The following HDAC5 variants were observed in gnomAD, a reference collection of about 807,000 sequenced individuals.
HDAC5 encodes histone deacetylase 5.
A neutral mutation model predicts 133.3 loss-of-function variants in HDAC5; 25 were observed. The ratio of observed to expected loss-of-function variants is 0.19; its 90% CI spans 0.14 to 0.26. The LOEUF (loss-of-function observed/expected upper bound fraction) is 0.26. Ranked by LOEUF, HDAC5 falls within the 10% of genes least tolerant of loss-of-function variation. The probability of loss-of-function intolerance (pLI) is 1.00; values close to 1 mark genes in which losing one functional copy is unlikely to be tolerated. For synonymous variants in HDAC5, 589 were observed against 610.8 expected, an observed-to-expected ratio of 0.96 and a Z score of 0.53; for missense variants, 1,041 against 1,460.5, an observed-to-expected ratio of 0.71 and a Z score of 4.68.
intron 3 of HDAC5, among the ~76,000 whole-genome samples, chr17:44,097,736 G>T (rs906435364): frequency 3.3e-5 from 5 of 152,270 alleles, no homozygotes; most frequent in Non-Finnish European, 5.9e-5. Context: ...CAGCCTGCCT[G>T]CCCAGGGAAG....
chr17:44,087,848 C>CT (rs375199820), intron 12 of HDAC5, 152 bp from the exon 13 acceptor site: 36,065 of 652,956 alleles, frequency 0.055, no homozygotes, highest in East Asian at 0.067. Context: ...TCTGAGAGGA[C>CT]TTTTTTTTTT....
At chr17:44,099,260 G>A (rs1274662208) in intron 3 of HDAC5, among the ~76,000 whole-genome samples, 1 of 152,160 alleles carries the variant, frequency 6.6e-6, no homozygotes, top group Admixed American at 6.5e-5. Context: ...GAGGTCAGAG[G>A]CAAGGCTCTG....
chr17:44,087,724 G>C (rs769956409), intron 12 of HDAC5, 28 bp from the exon 13 acceptor site: 46 of 1,538,394 alleles, frequency 3.0e-5, no homozygotes, highest in Non-Finnish European at 2.5e-5. Context: ...GGGCACATCA[G>C]CTGGGAGTTG....
chr17:44,087,448 C>A lies in HDAC5; in HGVS notation c.1848G>T (p.Gly616=). The A allele has an allele frequency of 1.5e-6, 2 of 1,343,536 alleles. No individual in the cohort carries two copies. The highest frequency in any genetic ancestry group is 2.3e-5 in the East Asian group (1 of 43,548). 83.2% of individuals were successfully genotyped at this position (1,343,536 alleles called of 1,614,324 possible). The change falls in exon 13 of 27, where the codon GGG becomes GGT. Residue 616 remains glycine, a synonymous_variant. Transcript: ENST00000682912. The stretch of plus-strand genomic sequence containing the variant: ...CAGCACCAGGCTCCTCCAAGTCGGG[C>A]CCCTCCTCAGCACCACTCTCGCCCT... ...DEEGESGAEE[G]PDLEEPGAGY...
rs1216506951 is a variant in HDAC5, at chr17:44,087,642, T to C, written c.1654A>G (p.Thr552Ala). Residue 552 changes from threonine to alanine, a missense_variant, in exon 13 of 27, where the codon ACA becomes GCA. Around this residue, in one of 9 missense-constraint regions of HDAC5, gnomAD observed 433 missense variants for 531.6 expected, o/e 0.81. Transcript: ENST00000682912. The stretch of plus-strand genomic sequence containing the variant: ...TGCTGCTCCGTCAGCTCCTCCTCTG[T>C]CTCCTCAGGGTGGGTGGTGGGCTGC... ...PRQPTTHPEE[T>A]EEELTEQQEV... is the part of the protein sequence containing the mutation. 1 of 1,612,838 alleles carries C rather than the reference T, an allele frequency of 6.2e-7. No homozygotes were observed. Among genetic ancestry groups the C allele is most frequent in the African/African-American group, 1.3e-5 (1 of 74,916 alleles).
chr17:44,081,255 T>A (rs2050375186), intron 20 of HDAC5, among the ~76,000 whole-genome samples: 1 of 126,094 alleles, frequency 7.9e-6, no homozygotes, highest in Non-Finnish European at 1.7e-5. Flanking sequence ...AGATTCTTTC[T>A]TTTTTTTTTT....
intron 2 of HDAC5, among the ~76,000 whole-genome samples, chr17:44,114,622 C>T (rs933115205): frequency 6.6e-6 from 1 of 152,188 alleles, no homozygotes; most frequent in Non-Finnish European, 1.5e-5. Context: ...CAGTGGGCCT[C>T]ACTCTTGCCT....
chr17:44,110,905 G>GGGA, intron 2 of HDAC5, 105 bp from the exon 3 acceptor site: 1 of 959,016 alleles, frequency 1.0e-6, no homozygotes, highest in Non-Finnish European at 1.6e-6. Flanking sequence ...GCCAGAGGCG[G>GGGA]GGAGCAGACC....
intron 3 of HDAC5, among the ~76,000 whole-genome samples, chr17:44,106,844 G>A (rs559517824): frequency 6.6e-6 from 1 of 151,812 alleles, no homozygotes; most frequent in South Asian, 2.1e-4. Flanking sequence ...GATTCCAGGT[G>A]TGAGCCACCG....
intron 14 of HDAC5, 171 bp from the exon 15 acceptor site, chr17:44,085,326 CT>C (rs56379369): frequency 0.52 from 195,054 of 375,434 alleles, 33,348 homozygotes; most frequent in South Asian, 0.63. Context: ...TCCTCTCCAG[CT>C]TTTTTTTTTT....
chr17:44,093,361 AGCCGCTGCTTCTCCAGCTCTTCCT>A lies in HDAC5; in HGVS notation c.455_478del (p.Gln152_Arg159del). 1.3e-6 allele frequency: 2 copies of A among 1,581,654 alleles called. No homozygotes were observed. Among genetic ancestry groups the A allele is most frequent in the Non-Finnish European group, 8.6e-7 (1 of 1,167,666 alleles). On this transcript the variant is annotated inframe_deletion, in exon 5 of 27. Transcript: ENST00000682912. Reference sequence around the variant, plus strand: ...CCGCAGGATGAGCAGCTGCTGCTCCAGCCGCTGCTTCTCCAGCTCTTCCTGCCGCTGCTGCTCCCGCTGCCGCTG... The same window carrying A: ...CCGCAGGATGAGCAGCTGCTGCTCCAGCCGCTGCTGCTCCCGCTGCCGCTG...
chr17:44,093,551 G>GC, intron 4 of HDAC5, 24 bp downstream of exon 4: 1 of 1,597,960 alleles, frequency 6.3e-7, no homozygotes, highest in Non-Finnish European at 8.5e-7. Context: ...GGTCTGGGCG[G>GC]CCCCCCGCAC....
At position 44,117,448 on chromosome 17, in the gene HDAC5, T is replaced by A. The variant is rs148040878; in HGVS notation, c.22+46A>T. ...AGGGAAACCCACACAGCCCATTGCA[T>A]CCGAAGCTACCCCAGGGTGCTCTTC... On this transcript the variant is annotated intron_variant, in intron 2 of 26. Coordinates refer to ENST00000682912, the MANE Select transcript of HDAC5 (RefSeq NM_005474.5). The surrounding 1 kb of genome is among the most constrained non-coding windows in gnomAD (Gnocchi z 4.2). 5,491 of 1,610,590 alleles carry A rather than the reference T, an allele frequency of 3.4e-3. 15 individuals are homozygous for A. Among genetic ancestry groups the A allele is most frequent in the Non-Finnish European group, 3.6e-3 (4,283 of 1,176,818 alleles).
intron 11 of HDAC5, among the ~76,000 whole-genome samples, chr17:44,089,891 T>C (rs1034959801): frequency 9.0e-4 from 123 of 137,430 alleles, no homozygotes; most frequent in African/African-American, 3.3e-3. Flanking sequence ...AGATCCTGCT[T>C]ACTGCACTCC....
At chr17:44,092,336 C>A in intron 8 of HDAC5, 45 bp downstream of exon 8, 2 of 1,611,852 alleles carry the variant, frequency 1.2e-6, no homozygotes, top group Non-Finnish European at 1.7e-6. Flanking sequence ...CCCCCGACCC[C>A]TGATTCCCAG....
intron 23 of HDAC5, among the ~76,000 whole-genome samples, chr17:44,079,531 T>G (rs1323264073): frequency 6.7e-6 from 1 of 149,094 alleles, no homozygotes; most frequent in Non-Finnish European, 1.5e-5. Flanking sequence ...TCCCAGCTAC[T>G]TGGGAGGCTG....
chr17:44,107,918 T>C (rs559376188), intron 3 of HDAC5, among the ~76,000 whole-genome samples: 7 of 152,254 alleles, frequency 4.6e-5, no homozygotes, highest in African/African-American at 1.4e-4. Flanking sequence ...CATAAAGTCC[T>C]GCGTATTGTC....
chr17:44,092,146 C>T, intron 9 of HDAC5, 26 bp downstream of exon 9: 1 of 1,597,144 alleles, frequency 6.3e-7, no homozygotes, highest in East Asian at 2.2e-5. Flanking sequence ...TGTCCCCGCC[C>T]CACCAGCCCC....
At chr17:44,114,046 C>T (rs1241996582) in intron 2 of HDAC5, among the ~76,000 whole-genome samples, 1 of 152,222 alleles carries the variant, frequency 6.6e-6, no homozygotes, top group Non-Finnish European at 1.5e-5. Flanking sequence ...TTGGCTGAAC[C>T]CTCTCATTTG....
Sources: allele counts gnomAD v4.1 joint callset (sites outside exome capture counted in the v4.1 genomes callset), GRCh38; gene constraint gnomAD v4.1.1; regional missense constraint gnomAD v4.1.1; non-coding constraint Gnocchi (gnomAD v3.1); transcripts MANE v1.5; gene names NCBI Gene and HGNC (gene_info 2026-07-23, HGNC 2026-07-21).